The following TOP6BL variants were observed in gnomAD, a reference collection of about 807,000 sequenced individuals.
TOP6BL encodes the protein type 2 DNA topoisomerase 6 subunit B-like.
the TOP6BL span, chr11:66,842,886 G>A: frequency 1.9e-6 from 3 of 1,575,790 alleles, no homozygotes; most frequent in South Asian, 2.3e-5. Flanking sequence ...GGCTCAAGAG[G>A]GGCAGCCCCC....
chr11:66,756,231 A>G, the TOP6BL span: 27 of 957,298 alleles, frequency 2.8e-5, no homozygotes, highest in African/African-American at 3.7e-4. Flanking sequence ...GTTAGTTAAA[A>G]TAAGTTTTTA....
the TOP6BL span, among the ~76,000 whole-genome samples, chr11:66,774,979 G>C: frequency 5.7e-4 from 86 of 151,764 alleles, no homozygotes; most frequent in African/African-American, 2.1e-3. Flanking sequence ...CAGGCATGGT[G>C]GCGGGCGCCT....
chr11:66,820,998 C>T, the TOP6BL span, among the ~76,000 whole-genome samples: 1 of 152,292 alleles, frequency 6.6e-6, no homozygotes, highest in African/African-American at 2.4e-5. Flanking sequence ...CCAGTCCTGA[C>T]TCAAAGCACA....
chr11:66,793,086 A>C, the TOP6BL span, among the ~76,000 whole-genome samples: 1 of 146,798 alleles, frequency 6.8e-6, no homozygotes, highest in Admixed American at 6.8e-5. Flanking sequence ...CCATTTTGGT[A>C]ATAATGTTTT....
At chr11:66,843,190 G>T in the TOP6BL span, 6 of 1,611,146 alleles carry the variant, frequency 3.7e-6, no homozygotes, top group Admixed American at 1.0e-4. Flanking sequence ...GCTGCAGGAG[G>T]TCTCCAACCT....
chr11:66,786,724 A>G, the TOP6BL span, among the ~76,000 whole-genome samples: 1 of 152,186 alleles, frequency 6.6e-6, no homozygotes, highest in Non-Finnish European at 1.5e-5. Flanking sequence ...AATCACAGAA[A>G]AGGGGGGTTG....
the TOP6BL span, chr11:66,762,381 A>C: frequency 2.7e-6 from 1 of 364,704 alleles, no homozygotes; most frequent in Non-Finnish European, 5.0e-6. Flanking sequence ...TGGGGCACTC[A>C]GCGCAGCAGT....
At chr11:66,744,847 C>T in the TOP6BL span, 2 of 1,284,118 alleles carry the variant, frequency 1.6e-6, no homozygotes, top group Non-Finnish European at 2.0e-6. Flanking sequence ...CGGCGGCGGG[C>T]GGGTACCCTT....
the TOP6BL span, among the ~76,000 whole-genome samples, chr11:66,791,354 T>A: frequency 5.3e-5 from 8 of 152,232 alleles, no homozygotes; most frequent in African/African-American, 1.9e-4. Context: ...TTATAAGATC[T>A]TCTTGACAGC....
chr11:66,796,456 G>T, the TOP6BL span: 3 of 943,370 alleles, frequency 3.2e-6, no homozygotes, highest in South Asian at 3.6e-5. Context: ...AGATGTGATT[G>T]GTTCTTTTTC....
chr11:66,787,221 A>G, the TOP6BL span, among the ~76,000 whole-genome samples: 4 of 152,038 alleles, frequency 2.6e-5, no homozygotes, highest in Admixed American at 2.0e-4. Context: ...GACGTGAGCC[A>G]CCGTGCCCAG....
the TOP6BL span, among the ~76,000 whole-genome samples, chr11:66,767,396 A>G: frequency 6.6e-6 from 1 of 152,088 alleles, no homozygotes; most frequent in South Asian, 2.1e-4. Context: ...TCTGCTTCCT[A>G]TTATGTCCTT....
At chr11:66,768,440 C>T in the TOP6BL span, among the ~76,000 whole-genome samples, 1 of 152,104 alleles carries the variant, frequency 6.6e-6, no homozygotes, top group Admixed American at 6.6e-5. Flanking sequence ...ATCATCATCT[C>T]TGTTTCAGAG....
chr11:66,750,703 CT>C, the TOP6BL span, among the ~76,000 whole-genome samples: 400 of 148,454 alleles, frequency 2.7e-3, 3 homozygotes, highest in African/African-American at 8.9e-3. Flanking sequence ...GTTGTTGTAT[CT>C]TTTTTTTTTC....
the TOP6BL span, among the ~76,000 whole-genome samples, chr11:66,814,941 C>T: frequency 4.6e-5 from 7 of 152,142 alleles, no homozygotes; most frequent in Admixed American, 6.5e-5. Context: ...TTGGAGTATG[C>T]GACCATGGGC....
At chr11:66,815,330 T>G in the TOP6BL span, among the ~76,000 whole-genome samples, 1 of 152,144 alleles carries the variant, frequency 6.6e-6, no homozygotes, top group Non-Finnish European at 1.5e-5. Flanking sequence ...CCCTTATTAC[T>G]CTAAAGGACA....
chr11:66,829,086 A>C, the TOP6BL span, among the ~76,000 whole-genome samples: 1 of 150,556 alleles, frequency 6.6e-6, no homozygotes, highest in Non-Finnish European at 1.5e-5. Flanking sequence ...AAAAAAAAAA[A>C]AAAAAAAAAT....
At chr11:66,758,051 G>A in the TOP6BL span, 3 of 747,924 alleles carry the variant, frequency 4.0e-6, no homozygotes, top group South Asian at 6.1e-5. Context: ...CTGAGGGATA[G>A]ATATATTTCT....
At chr11:66,752,379 G>GA in the TOP6BL span, among the ~76,000 whole-genome samples, 1 of 152,026 alleles carries the variant, frequency 6.6e-6, no homozygotes, top group African/African-American at 2.4e-5. Context: ...TGTTGCTATT[G>GA]AAAAATCTAA....
Sources: allele counts gnomAD v4.1 joint callset (sites outside exome capture counted in the v4.1 genomes callset), GRCh38; gene constraint gnomAD v4.1.1; transcripts MANE v1.5; gene names NCBI Gene and HGNC (gene_info 2026-07-23, HGNC 2026-07-21).